The following DOCK8 variants were observed in gnomAD, a reference collection of about 807,000 sequenced individuals.
DOCK8 encodes the protein dedicator of cytokinesis protein 8.
Under a neutral mutation model 245.6 loss-of-function variants are expected in DOCK8, and 141 were observed. That is an observed-to-expected ratio of 0.57 (90% CI 0.50 to 0.66). DOCK8 has a LOEUF of 0.66. DOCK8 is among the 30% of genes least tolerant of loss of function. DOCK8 has a pLI of 0.00. For synonymous variants in DOCK8, 1,168 were observed against 970.2 expected (o/e 1.20, Z -3.79); for missense variants, 2,965 against 2,603.4 (o/e 1.14, Z -3.02).
chr9:244,782 G>A (rs1302615993), intron 1 of DOCK8, among the ~76,000 whole-genome samples: 1 of 151,754 alleles, frequency 6.6e-6, no homozygotes, highest in Non-Finnish European at 1.5e-5. Flanking sequence ...CAAAACTGCT[G>A]GAGGTGCTTC....
intron 1 of DOCK8, chr9:268,306 TA>T (rs2048080273): frequency 6.6e-6 from 1 of 152,186 alleles, no homozygotes; most frequent in Admixed American, 6.5e-5. Context: ...TGCTATTAGG[TA>T]TTGGGTTAGG....
At position 434,771 on chromosome 9, in the gene DOCK8, A is replaced by T; in HGVS notation, c.4887-12A>T. 1 of 1,613,796 alleles carries T rather than the reference A, an allele frequency of 6.2e-7. No individual in the cohort carries two copies. Among genetic ancestry groups the T allele is most frequent in the African/African-American group, 1.3e-5 (1 of 75,024 alleles). ...TGTCCTCAAAACTACTTCTCACTCA[A>T]TCTGTCTTCAGAATTGCCAAGAGTT... On this transcript the variant is annotated splice_polypyrimidine_tract_variant and intron_variant, in intron 38 of 47. Coordinates refer to ENST00000432829, the MANE Select transcript of DOCK8 (RefSeq NM_203447.4).
intron 1 of DOCK8, among the ~76,000 whole-genome samples, chr9:251,308 A>T (rs1207582477): frequency 1.3e-5 from 2 of 152,226 alleles, no homozygotes; most frequent in Non-Finnish European, 2.9e-5. Context: ...ATCAATGTTT[A>T]GAAGTTGCTC....
chr9:404,874 C>A (rs762204376), intron 26 of DOCK8, 44 bp from the exon 27 acceptor site: 2 of 1,610,986 alleles, frequency 1.2e-6, no homozygotes. Context: ...ACTCCACTTA[C>A]CTTGTAATAA....
chr9:379,623 C>T, intron 20 of DOCK8, 148 bp from the exon 21 acceptor site: 1 of 816,150 alleles, frequency 1.2e-6, no homozygotes, highest in Non-Finnish European at 2.0e-6. Context: ...AGCCAGCATG[C>T]CAGAGCTCAC....
chr9:305,654 G>A (rs7857705), intron 5 of DOCK8, among the ~76,000 whole-genome samples: 120,030 of 152,076 alleles, frequency 0.79, 47,597 homozygotes, highest in African/African-American at 0.86. Context: ...TGTGAAATGA[G>A]CTTTTAACAC....
rs749342237 is a variant in DOCK8, at chr9:418,184, A to G, written c.3817A>G (p.Ser1273Gly). 6.2e-7 allele frequency: 1 copy of G among 1,614,256 alleles called. No individual in the cohort carries two copies. Among genetic ancestry groups the G allele is most frequent in the South Asian group, 1.1e-5 (1 of 91,090 alleles). ...AGGGAATAATTTCAATTTGAAAACA[A>G]GTGGAATAGTGCTGTCTTCCTTGGT... ...IAGNNFNLKT[S>G]GIVLSSLPYK... Residue 1273 changes from serine (S) to glycine (G), a missense_variant, in exon 30 of 48, where the codon AGT (serine) becomes GGT (glycine). This residue lies in a region of DOCK8 where 2,825 missense variants were observed against 2,453.5 expected (regional missense o/e 1.15). Transcript: ENST00000432829.
chr9:449,331 C>G (rs2057359719), intron 44 of DOCK8, among the ~76,000 whole-genome samples: 1 of 150,024 alleles, frequency 6.7e-6, no homozygotes. Flanking sequence ...GCCTAGACAA[C>G]AAGAGCAAAA....
intron 8 of DOCK8, among the ~76,000 whole-genome samples, chr9:327,585 C>T (rs554452101): frequency 1.3e-5 from 2 of 152,118 alleles, no homozygotes; most frequent in African/African-American, 4.8e-5. Flanking sequence ...TTTGTAGAGG[C>T]AGGGTTTCAC....
chr9:257,762 C>T (rs978044324), intron 1 of DOCK8, among the ~76,000 whole-genome samples: 4 of 152,192 alleles, frequency 2.6e-5, no homozygotes, highest in Non-Finnish European at 5.9e-5. Context: ...CATGATCTGC[C>T]CACCTCGGCC....
chr9:243,006 T>A (rs2047413419), intron 1 of DOCK8, among the ~76,000 whole-genome samples: 1 of 152,170 alleles, frequency 6.6e-6, no homozygotes, highest in Non-Finnish European at 1.5e-5. Context: ...TATCTTTTCA[T>A]TAGAGCAGGC....
chr9:281,171 T>C (rs1586585253), intron 2 of DOCK8, among the ~76,000 whole-genome samples: 2 of 152,240 alleles, frequency 1.3e-5, no homozygotes, highest in African/African-American at 4.8e-5. Flanking sequence ...CAAGAATTTC[T>C]TGAACCCAGG....
intron 46 of DOCK8, chr9:456,211 G>A (rs986935158): frequency 2.6e-5 from 4 of 152,226 alleles, no homozygotes; most frequent in Admixed American, 2.6e-4. Flanking sequence ...CCTGAATACA[G>A]ATAGTAGATG....
intron 1 of DOCK8, among the ~76,000 whole-genome samples, chr9:246,192 C>T (rs769193467): frequency 6.6e-6 from 1 of 151,850 alleles, no homozygotes; most frequent in Non-Finnish European, 1.5e-5. Context: ...GCACTCCATC[C>T]TAGGTGACAG....
Position 304,671 on chromosome 9 carries a change from G to A in DOCK8, c.495G>A (p.Ser165=), listed in dbSNP as rs896118257. The A allele has an allele frequency of 1.9e-6, 3 of 1,614,002 alleles. No homozygotes were observed. Among genetic ancestry groups the A allele is most frequent in the Non-Finnish European group, 1.7e-6 (2 of 1,180,038 alleles). Residue 165 remains serine (S), a synonymous_variant, in exon 5 of 48, where the codon TCG becomes TCA. Transcript: ENST00000432829. ...HKTLPKQTFE[S]ETLECSEPAA... ...CGCTTCCGAAACAGACGTTTGAGTC[G>A]GAAACCTTGGAGTGCAGTGAACCCG...
chr9:303,147 G>A (rs1171929942), intron 4 of DOCK8, among the ~76,000 whole-genome samples: 1 of 151,564 alleles, frequency 6.6e-6, no homozygotes, highest in Non-Finnish European at 1.5e-5. Context: ...GTAGCAGAAC[G>A]AGACCCTGTC....
chr9:371,882 A>G (rs2131218052), intron 17 of DOCK8, among the ~76,000 whole-genome samples: 1 of 152,288 alleles, frequency 6.6e-6, no homozygotes, highest in Non-Finnish European at 1.5e-5. Context: ...AGAAGAAACC[A>G]TTTTTTCTTT....
chr9:401,043 C>T, intron 26 of DOCK8, among the ~76,000 whole-genome samples: 1 of 139,218 alleles, frequency 7.2e-6, no homozygotes, highest in East Asian at 2.2e-4. Flanking sequence ...TCCACCATCA[C>T]TTCTTCCACC....
intron 7 of DOCK8, among the ~76,000 whole-genome samples, chr9:325,389 G>T (rs954545718): frequency 7.2e-5 from 11 of 152,126 alleles, no homozygotes; most frequent in Non-Finnish European, 1.0e-4. Flanking sequence ...GGTCCATTCA[G>T]CCCACTCTCT....
Sources: allele counts gnomAD v4.1 joint callset (sites outside exome capture counted in the v4.1 genomes callset), GRCh38; gene constraint gnomAD v4.1.1; regional missense constraint gnomAD v4.1.1; transcripts MANE v1.5; gene names NCBI Gene and HGNC (gene_info 2026-07-23, HGNC 2026-07-21).